Variants in MIA2 observed in about 807,000 individuals in gnomAD.
MIA2 encodes the protein MIA SH3 domain ER export factor 2, also known as melanoma inhibitory activity protein 2.
Under a neutral mutation model 167.8 loss-of-function variants are expected in MIA2, and 127 were observed. The observed-to-expected ratio is 0.76, with a 90% CI of 0.66 to 0.88. The LOEUF is 0.88. MIA2 is among the 40% of genes least tolerant of loss of function. The pLI is 0.00. For missense variants in MIA2, 1,690 were observed against 1,624.7 expected, an observed-to-expected ratio of 1.04 and a Z score of -0.69; for synonymous variants, 552 against 541.9, an observed-to-expected ratio of 1.02 and a Z score of -0.26.
intron 28 of MIA2, 134 bp downstream of exon 28, chr14:39,349,111 C>G (rs914560966): frequency 8.5e-7 from 1 of 1,177,018 alleles, no homozygotes; most frequent in African/African-American, 1.6e-5. Flanking sequence ...TGAAAATTCT[C>G]ATTACTTTTC....
chr14:39,366,980 C>T (rs2074835520), intron 23 of MIA2, among the ~76,000 whole-genome samples: 2 of 152,184 alleles, frequency 1.3e-5, no homozygotes, highest in African/African-American at 4.8e-5. Context: ...AGAGTTGCTG[C>T]CAGTGGCGCA....
chr14:39,325,564 T>C (rs538208210), intron 24 of MIA2, among the ~76,000 whole-genome samples: 1 of 150,066 alleles, frequency 6.7e-6, no homozygotes, highest in East Asian at 2.0e-4. Context: ...AGATGGGGTT[T>C]CACCTTGTTA....
chr14:39,271,990 A>C (rs2057242904), intron 6 of MIA2, among the ~76,000 whole-genome samples: 1 of 152,024 alleles, frequency 6.6e-6, no homozygotes, highest in African/African-American at 2.4e-5. Flanking sequence ...GTGCATGCTG[A>C]TTGGTTTGTG....
chr14:39,342,253 C>G (rs1489558343), intron 25 of MIA2, among the ~76,000 whole-genome samples: 2 of 149,914 alleles, frequency 1.3e-5, no homozygotes, highest in Admixed American at 6.7e-5. Flanking sequence ...TGAGTGAGAA[C>G]ATGCAGTGTT....
At chr14:39,326,743 C>G in intron 24 of MIA2, 121 bp from the exon 25 acceptor site, 1 of 786,410 alleles carries the variant, frequency 1.3e-6, no homozygotes, top group Non-Finnish European at 1.9e-6. Flanking sequence ...ACTTTCTACA[C>G]TGTTATTTTT....
Position 39,240,635 on chromosome 14 carries a change from G to T in MIA2, c.324G>T (p.Gln108His). 6.2e-7 allele frequency: 1 copy of T among 1,610,960 alleles called. No homozygotes were observed. Among genetic ancestry groups the T allele is most frequent in the Non-Finnish European group, 8.5e-7 (1 of 1,177,740 alleles). The change falls in exon 3 of 29, where the codon CAG becomes CAT. Residue 108 changes from glutamine (Q) to histidine (H), a missense_variant. Transcript: ENST00000640607. ...IEEVFISEEI[Q>H]MSTKESDFLC... ...AGGTGTTCATATCTGAGGAAATTCAGATGTCAACGAAAGTGAGTAAACTCA... is the reference window on the plus strand; with the variant it reads ...AGGTGTTCATATCTGAGGAAATTCATATGTCAACGAAAGTGAGTAAACTCA...
chr14:39,313,505 C>T (rs773030933), intron 19 of MIA2, 64 bp downstream of exon 19: 4 of 850,468 alleles, frequency 4.7e-6, no homozygotes, highest in Admixed American at 2.8e-5. Context: ...AACTTAATGC[C>T]AGAAAAATAA....
At chr14:39,366,285 G>T (rs928127761) in intron 23 of MIA2, among the ~76,000 whole-genome samples, 2 of 152,138 alleles carry the variant, frequency 1.3e-5, no homozygotes, top group African/African-American at 4.8e-5. Flanking sequence ...GTATTAACAG[G>T]TCCGAGTAGC....
At chr14:39,288,450 TATATATATATATATA>T (rs1321911194) in intron 9 of MIA2, among the ~76,000 whole-genome samples, 6,532 of 25,346 alleles carry the variant, frequency 0.26, 1,554 homozygotes, top group Non-Finnish European at 0.37. Flanking sequence ...TATATATATA[TATATATATATATATA>T]TATATATATA....
rs143022377 is a variant in MIA2 at position 39,318,169 on chromosome 14, G to A, written c.3284+158G>A. On this transcript the variant is annotated intron_variant, in intron 22 of 28. Coordinates refer to ENST00000640607, the MANE Select transcript of MIA2 (RefSeq NM_001329214.4). ...TAGGAATGTCTAGTTTGTTTTGTCT[G>A]TTGAAGTACTTGTCTTAGGTCACTG... is the stretch of plus-strand genomic sequence containing the variant. Among the ~76,000 whole-genome samples the A allele has an allele frequency of 5.8e-3, 877 of 152,302 alleles. 6 individuals carry two copies. The highest frequency in any genetic ancestry group is 0.015 in the African/African-American group (633 of 41,580).
chr14:39,263,335 T>C (rs932696655), intron 6 of MIA2, among the ~76,000 whole-genome samples: 2 of 152,174 alleles, frequency 1.3e-5, no homozygotes, highest in African/African-American at 4.8e-5. Context: ...TTTGTGTATG[T>C]TGAACCAGCC....
intron 23 of MIA2, among the ~76,000 whole-genome samples, chr14:39,380,874 A>G (rs1042607565): frequency 2.0e-5 from 3 of 152,092 alleles, no homozygotes; most frequent in African/African-American, 7.2e-5. Context: ...AGAGAAAGAT[A>G]TCATGGGCCT....
intron 6 of MIA2, among the ~76,000 whole-genome samples, chr14:39,264,167 T>G (rs574119292): frequency 6.6e-6 from 1 of 152,306 alleles, no homozygotes; most frequent in South Asian, 2.1e-4. Flanking sequence ...TACCCAAGAT[T>G]TAGCTGCCAC....
chr14:39,385,990 C>T (rs1359182349), intron 23 of MIA2: 12 of 852,992 alleles, frequency 1.4e-5, no homozygotes, highest in Admixed American at 6.0e-5. Context: ...TGAGCAAGAA[C>T]GCCTCCATCC....
Position 39,313,398 on chromosome 14 carries a change from G to C in MIA2, c.3076G>C (p.Asp1026His). ...GAAAGAAGAGAAACTTTCTAAAGTA[G>C]ATGAAAAGATCAGCCATGCCACTGA... is the stretch of plus-strand genomic sequence containing the variant. Reference protein sequence around the residue: ...LEKEEKLSKVDEKISHATEEL... With the variant: ...LEKEEKLSKVHEKISHATEEL... The change falls in exon 19 of 29, where the codon GAT becomes CAT. Residue 1026 changes from aspartate to histidine, a missense_variant. Coordinates refer to ENST00000640607, the MANE Select transcript of MIA2 (RefSeq NM_001329214.4). 2.5e-6 allele frequency: 4 copies of C among 1,603,910 alleles called. No homozygotes were observed. The highest frequency in any genetic ancestry group is 3.4e-6 in the Non-Finnish European group (4 of 1,175,482).
intron 23 of MIA2, among the ~76,000 whole-genome samples, chr14:39,376,163 A>G (rs547593944): frequency 6.6e-6 from 1 of 152,260 alleles, no homozygotes; most frequent in African/African-American, 2.4e-5. Context: ...CATGTTGTCC[A>G]GGCTGGTCTC....
intron 23 of MIA2, among the ~76,000 whole-genome samples, chr14:39,383,824 A>C (rs2075216986): frequency 6.6e-6 from 1 of 152,156 alleles, no homozygotes; most frequent in South Asian, 2.1e-4. Context: ...CAAAGCCCTC[A>C]CTCTCTTCAA....
At chr14:39,266,262 A>C in intron 6 of MIA2, 1 of 985,406 alleles carries the variant, frequency 1.0e-6, no homozygotes, top group Non-Finnish European at 1.2e-6. Flanking sequence ...AGGAAGACAT[A>C]TATATGAGAT....
intron 23 of MIA2, among the ~76,000 whole-genome samples, chr14:39,358,199 A>G (rs999501273): frequency 3.3e-5 from 5 of 152,136 alleles, no homozygotes; most frequent in Admixed American, 1.3e-4. Context: ...CCAATCAGAC[A>G]TAGATTTGGT....
Sources: allele counts gnomAD v4.1 joint callset (sites outside exome capture counted in the v4.1 genomes callset), GRCh38; gene constraint gnomAD v4.1.1; transcripts MANE v1.5; gene names NCBI Gene and HGNC (gene_info 2026-07-23, HGNC 2026-07-21).